Variants in ACSF3 observed in about 807,000 individuals in gnomAD.
ACSF3 encodes acyl-CoA synthetase family member 3.
A neutral mutation model predicts 53.2 loss-of-function variants in ACSF3; 78 were observed. The observed-to-expected ratio is 1.47, with a 90% CI of 1.22 to 1.77. The LOEUF (loss-of-function observed/expected upper bound fraction) is 1.77, where lower values mean the gene tolerates loss of function less well. Ranked by LOEUF, ACSF3 falls within the 40% of genes most tolerant of loss-of-function variation. ACSF3 has a pLI of 0.00. For missense variants in ACSF3, 937 were observed against 771.1 expected (o/e 1.22, Z -2.55); for synonymous variants, 414 against 333.1 (o/e 1.24, Z -2.65).
chr16:89,114,042 G>C (rs1387047957), intron 5 of ACSF3: 5 of 432,092 alleles, frequency 1.2e-5, no homozygotes, highest in Non-Finnish European at 2.2e-5. Context: ...AACTTTGCAG[G>C]GGACACCGCG....
chr16:89,125,209 A>G (rs1346851365), intron 7 of ACSF3, among the ~76,000 whole-genome samples: 12 of 151,990 alleles, frequency 7.9e-5, no homozygotes, highest in Non-Finnish European at 2.9e-5. Context: ...CAGGCATGGT[A>G]GTGGGTGCCT....
intron 2 of ACSF3, among the ~76,000 whole-genome samples, chr16:89,100,215 C>T (rs527756486): frequency 1.3e-5 from 2 of 152,370 alleles, no homozygotes; most frequent in East Asian, 1.9e-4. Context: ...GAGGCAGCGC[C>T]GTGTCTGCCC....
chr16:89,126,904 G>A (rs1373285929), intron 7 of ACSF3, among the ~76,000 whole-genome samples: 1 of 152,124 alleles, frequency 6.6e-6, no homozygotes, highest in Non-Finnish European at 1.5e-5. Context: ...TTAGTTACTG[G>A]CTTTTTGCAG....
rs762947407 is a variant in ACSF3, at chr16:89,154,324, G to C, written c.*117G>C. Reference sequence around the variant, plus strand: ...CTTAAACCTGAACCCCCCAAATCAGGTCACGTAGAATCAAGAACTGTTTGG... The same window carrying C: ...CTTAAACCTGAACCCCCCAAATCAGCTCACGTAGAATCAAGAACTGTTTGG... On this transcript the variant is annotated 3_prime_UTR_variant, in exon 11 of 11. Coordinates refer to ENST00000614302, the MANE Select transcript of ACSF3 (RefSeq NM_001243279.3). 2.1e-6 allele frequency: 2 copies of C among 950,208 alleles called. No homozygotes were observed. The highest frequency in any genetic ancestry group is 5.1e-5 in the East Asian group (2 of 38,848). The allele number at this position is 950,208 out of a possible 1,614,324, so 58.9% of individuals were successfully genotyped here. A position where few individuals can be genotyped will look rare whatever the true frequency, so the allele number is the denominator to read the frequency against.
intron 1 of ACSF3, among the ~76,000 whole-genome samples, chr16:89,096,905 C>T (rs4782467): frequency 0.68 from 102,855 of 152,118 alleles, 35,494 homozygotes; most frequent in Admixed American, 0.75. Context: ...CTCCCAGGGG[C>T]TGGTGGCAGG....
chr16:89,115,175 T>C (rs1184833136), intron 6 of ACSF3: 1 of 162,270 alleles, frequency 6.2e-6, no homozygotes, highest in Non-Finnish European at 1.4e-5. Flanking sequence ...AGTGAGACCA[T>C]CCCGCACATC....
chr16:89,131,979 C>T (rs1355965664), intron 7 of ACSF3, among the ~76,000 whole-genome samples: 2 of 150,234 alleles, frequency 1.3e-5, no homozygotes, highest in South Asian at 2.1e-4. Context: ...TTGGCAGCCC[C>T]GTCATCATGT....
In ACSF3 at chr16:89,112,180, A is replaced by G; in HGVS notation, c.911A>G (p.Tyr304Cys). ...ATATACACCAAGCTGATGGAGTACTACGACAGGCATTTTACCCAGCCGCAC... is the reference window on the plus strand; with the variant it reads ...ATATACACCAAGCTGATGGAGTACTGCGACAGGCATTTTACCCAGCCGCAC... Reference protein sequence around the residue: ...PTIYTKLMEYYDRHFTQPHAQ... With the variant: ...PTIYTKLMEYCDRHFTQPHAQ... Residue 304 changes from tyrosine to cysteine, a missense_variant, in exon 5 of 11, where the codon TAC (tyrosine) becomes TGC (cysteine). Transcript: ENST00000614302. The G allele has an allele frequency of 2.9e-6, 4 of 1,365,428 alleles. No individual in the cohort carries two copies. The highest frequency in any genetic ancestry group is 3.8e-6 in the Non-Finnish European group (4 of 1,042,784). The allele number at this position is 1,365,428 out of a possible 1,614,324, so 84.6% of individuals were successfully genotyped here. A position where few individuals can be genotyped will look rare whatever the true frequency, so the allele number is the denominator to read the frequency against.
Position 89,106,296 on chromosome 16 carries a change from A to ATTT in ACSF3, c.822+3549_822+3551dup, listed in dbSNP as rs11393084. Among the ~76,000 whole-genome samples the ATTT allele has an allele frequency of 1.4e-3, 208 of 147,330 alleles. 2 individuals are homozygous for ATTT. Among genetic ancestry groups the ATTT allele is most frequent in the African/African-American group, 4.9e-3 (197 of 40,024 alleles). ...CTTTAAACTATGCTGTGAAAACTTA[A>ATTT]TTTTTTTTTTTTTTGAGATGGAGTC... On this transcript the variant is annotated intron_variant, in intron 4 of 10. Coordinates refer to ENST00000614302, the MANE Select transcript of ACSF3 (RefSeq NM_001243279.3).
chr16:89,102,400 G>A (rs571579592), intron 3 of ACSF3: 127 of 649,076 alleles, frequency 2.0e-4, no homozygotes, highest in African/African-American at 1.9e-3. Context: ...CTGTCCCCAG[G>A]GTAAGTGAGT....
chr16:89,112,410 G>A lies in ACSF3; in HGVS notation c.977+164G>A, dbSNP rs1976804363. On this transcript the variant is annotated intron_variant, in intron 5 of 10. Coordinates refer to ENST00000614302, the MANE Select transcript of ACSF3 (RefSeq NM_001243279.3). Reference sequence around the variant, plus strand: ...CGTCTCCGTCTCTACCTCTCTAACTGTCTCTCTCTCTCTCTACCCGTCTGT... The same window carrying A: ...CGTCTCCGTCTCTACCTCTCTAACTATCTCTCTCTCTCTCTACCCGTCTGT... Among the ~76,000 whole-genome samples, 6 of 150,336 alleles carry A rather than the reference G, an allele frequency of 4.0e-5. 1 individual carries two copies. The highest frequency in any genetic ancestry group is 4.0e-4 in the Admixed American group (6 of 15,086).
chr16:89,127,017 G>A (rs1399281193), intron 7 of ACSF3, among the ~76,000 whole-genome samples: 1 of 152,120 alleles, frequency 6.6e-6, no homozygotes, highest in Non-Finnish European at 1.5e-5. Flanking sequence ...TTATTAGGCT[G>A]TTAATATGGT....
Position 89,112,233 on chromosome 16 carries a change from G to A in ACSF3, c.964G>A (p.Glu322Lys). ...HAQDFLRAVC[E>K]EKIRLMVSGS... ...CCAGGATTTCTTGCGTGCAGTTTGTGAAGAAAAAATTAGGTAAGTGAAAAG... is the reference window on the plus strand; with the variant it reads ...CCAGGATTTCTTGCGTGCAGTTTGTAAAGAAAAAATTAGGTAAGTGAAAAG... The change falls in exon 5 of 11, where the codon GAA becomes AAA. Residue 322 changes from glutamate to lysine, a missense_variant. Glu to Lys is a moderately conservative substitution (Grantham distance 56). Coordinates refer to ENST00000614302, the MANE Select transcript of ACSF3 (RefSeq NM_001243279.3). The A allele has an allele frequency of 6.2e-7, 1 of 1,614,148 alleles. No homozygotes were observed. Among genetic ancestry groups the A allele is most frequent in the East Asian group, 2.2e-5 (1 of 44,892 alleles).
intron 4 of ACSF3, among the ~76,000 whole-genome samples, chr16:89,105,357 T>C (rs532497591): frequency 1.3e-5 from 2 of 152,272 alleles, no homozygotes; most frequent in Admixed American, 1.3e-4. Flanking sequence ...CGGCTCTCTC[T>C]GGGGTGCGCC....
intron 8 of ACSF3, chr16:89,136,666 G>C: frequency 7.8e-7 from 1 of 1,287,172 alleles, no homozygotes; most frequent in Non-Finnish European, 1.0e-6. Flanking sequence ...GGCCTCCTCC[G>C]GGTCAGGATG....
At chr16:89,107,396 A>G (rs967537329) in intron 4 of ACSF3, among the ~76,000 whole-genome samples, 4 of 142,170 alleles carry the variant, frequency 2.8e-5, no homozygotes, top group Admixed American at 6.9e-5. Flanking sequence ...TGCTACACGC[A>G]TGCTCTCCCC....
chr16:89,135,053 G>A (rs1910134564), intron 8 of ACSF3, among the ~76,000 whole-genome samples: 1 of 150,554 alleles, frequency 6.6e-6, no homozygotes, highest in Non-Finnish European at 1.5e-5. Flanking sequence ...TGAGATTGCG[G>A]TGGTTTTTCT....
At chr16:89,117,800 T>G (rs368241083) in intron 6 of ACSF3, among the ~76,000 whole-genome samples, 1 of 151,202 alleles carries the variant, frequency 6.6e-6, no homozygotes, top group East Asian at 1.9e-4. Context: ...GGGAGAGGAG[T>G]CCCCGGCTGA....
chr16:89,097,679 C>T (rs1974782587), intron 1 of ACSF3, among the ~76,000 whole-genome samples: 1 of 152,194 alleles, frequency 6.6e-6, no homozygotes. Flanking sequence ...TGGTGAAGCC[C>T]AGTTGTTTTC....
Sources: allele counts gnomAD v4.1 joint callset (sites outside exome capture counted in the v4.1 genomes callset), GRCh38; gene constraint gnomAD v4.1.1; transcripts MANE v1.5; gene names NCBI Gene and HGNC (gene_info 2026-07-23, HGNC 2026-07-21).